The following NAP1L1 variants were observed in gnomAD, a reference collection of about 807,000 sequenced individuals.
The protein encoded by NAP1L1 is nucleosome assembly protein 1 like 1, also known as nucleosome assembly protein 1-like 1.
NAP1L1 carries 9 observed loss-of-function variants against 58.9 expected under a neutral mutation model. The observed-to-expected ratio is 0.15, with a 90% CI of 0.09 to 0.27. NAP1L1 has a LOEUF of 0.27. Ranked by LOEUF, NAP1L1 falls within the 10% of genes least tolerant of loss-of-function variation. The probability of loss-of-function intolerance (pLI) is 1.00; values close to 1 mark genes in which losing one functional copy is unlikely to be tolerated. For synonymous variants in NAP1L1, 130 were observed against 138.3 expected (o/e 0.94, Z 0.42); for missense variants, 302 against 458.8 (o/e 0.66, Z 3.12).
intron 4 of NAP1L1, among the ~76,000 whole-genome samples, chr12:76,063,068 T>A (rs1392371697): frequency 6.6e-6 from 1 of 152,208 alleles, no homozygotes; most frequent in African/African-American, 2.4e-5. Flanking sequence ...ACAAAAATTA[T>A]ATCAGGTATA....
Position 76,060,205 on chromosome 12 carries a change from T to G in NAP1L1, c.281A>C (p.Lys94Thr), listed in dbSNP as rs1457026995. The G allele has an allele frequency of 2.5e-6, 4 of 1,613,138 alleles. No individual in the cohort carries two copies. The highest frequency in any genetic ancestry group is 3.4e-6 in the Non-Finnish European group (4 of 1,179,188). Residue 94 changes from lysine to threonine, a missense_variant, in exon 5 of 15, where the codon AAA becomes ACA. Lys to Thr is a moderately conservative substitution (Grantham distance 78). Transcript: ENST00000618691. ...LQVKCAQIEA[K>T]FYEEVHDLER... Reference sequence around the variant, plus strand: ...AAGATCGTGAACTTCCTCATAGAATTTGGCTTCTATCTGTGCACATTTAAC... The same window carrying G: ...AAGATCGTGAACTTCCTCATAGAATGTGGCTTCTATCTGTGCACATTTAAC...
At chr12:76,067,622 G>A in intron 3 of NAP1L1, 149 bp from the exon 4 acceptor site, 1 of 553,290 alleles carries the variant, frequency 1.8e-6, no homozygotes, top group Non-Finnish European at 3.2e-6. Flanking sequence ...GAAAGCTAAA[G>A]AGAATACACT....
chr12:76,054,674 C>T (rs1019879997), intron 8 of NAP1L1, among the ~76,000 whole-genome samples: 6 of 152,192 alleles, frequency 3.9e-5, no homozygotes, highest in Non-Finnish European at 7.4e-5. Flanking sequence ...TGGTGGACAG[C>T]TTGTTGGCTG....
chr12:76,077,849 T>C (rs1291154791), intron 1 of NAP1L1, among the ~76,000 whole-genome samples: 2 of 151,568 alleles, frequency 1.3e-5, no homozygotes, highest in Non-Finnish European at 1.5e-5. Context: ...CCGGGCGTGG[T>C]TGCACACACC....
At position 76,068,996 on chromosome 12, in the gene NAP1L1, TATA is replaced by T. The variant is rs1949822621; in HGVS notation, c.18-5_18-3del. The stretch of plus-strand genomic sequence containing the variant: ...TGATCAAGTTCAGACTGTTCTTTGC[TATA>T]ATATCATAGTATCACACCAAGGTTC... On this transcript the variant is annotated splice_region_variant and splice_polypyrimidine_tract_variant and intron_variant, in intron 2 of 14. Transcript: ENST00000618691. 4.4e-6 allele frequency: 7 copies of T among 1,603,724 alleles called. No individual in the cohort carries two copies. The highest frequency in any genetic ancestry group is 1.1e-5 in the South Asian group (1 of 90,238).
chr12:76,057,901 C>A, intron 6 of NAP1L1: 1 of 1,278,326 alleles, frequency 7.8e-7, no homozygotes, highest in Non-Finnish European at 1.1e-6. Context: ...CCAAAATTCC[C>A]AGAGCAAAGA....
intron 3 of NAP1L1, among the ~76,000 whole-genome samples, chr12:76,068,218 T>A (rs1238080668): frequency 6.6e-6 from 1 of 152,204 alleles, no homozygotes; most frequent in African/African-American, 2.4e-5. Context: ...ACAGCCAGGA[T>A]AACCAATACA....
chr12:76,053,159 C>T lies in NAP1L1; in HGVS notation c.916+46G>A, dbSNP rs1459756747. On this transcript the variant is annotated intron_variant, in intron 10 of 14. Coordinates refer to ENST00000618691, the MANE Select transcript of NAP1L1 (RefSeq NM_004537.7). ...ACAATGAATAAGAAGCTAAGCAATGCTTTTTATAAAACAACCGTTAATACT... is the reference window on the plus strand; with the variant it reads ...ACAATGAATAAGAAGCTAAGCAATGTTTTTTATAAAACAACCGTTAATACT... 4 of 1,612,196 alleles carry T rather than the reference C, an allele frequency of 2.5e-6. No homozygotes were observed. In the East Asian group the frequency reaches 6.7e-5, roughly 27 times the overall value.
intron 1 of NAP1L1, among the ~76,000 whole-genome samples, chr12:76,081,773 T>TAAA (rs1950417355): frequency 6.6e-6 from 1 of 152,170 alleles, no homozygotes; most frequent in Non-Finnish European, 1.5e-5. Context: ...TATGGATAGG[T>TAAA]GTAAAGTAAC....
In NAP1L1 at chr12:76,038,486, G is replaced by C. The variant is rs1948519528; in HGVS notation, c.*9943C>G. On this transcript the variant is annotated 3_prime_UTR_variant, in exon 15 of 15. Coordinates refer to ENST00000618691, the MANE Select transcript of NAP1L1 (RefSeq NM_004537.7). The stretch of plus-strand genomic sequence containing the variant: ...GTAAGAAAAAAAAATCCAGTAATGG[G>C]CAAATACCTTTCTTAGGTGATAGAG... The C allele has an allele frequency of 6.6e-6, 1 of 152,120 alleles. No individual in the cohort carries two copies. The highest frequency in any genetic ancestry group is 6.5e-5 in the Admixed American group (1 of 15,272). The allele number at this position is 152,120 out of a possible 1,614,324, so 9.4% of individuals were successfully genotyped here. A position where few individuals can be genotyped will look rare whatever the true frequency, so the allele number is the denominator to read the frequency against.
Position 76,042,554 on chromosome 12 carries a change from C to A in NAP1L1, c.*5875G>T, listed in dbSNP as rs539406800. 12 of 152,308 alleles carry A rather than the reference C, an allele frequency of 7.9e-5. No individual in the cohort carries two copies. The highest frequency in any genetic ancestry group is 7.2e-4 in the Admixed American group (11 of 15,292). The allele number at this position is 152,308 out of a possible 1,614,324, so 9.4% of individuals were successfully genotyped here. On this transcript the variant is annotated 3_prime_UTR_variant, in exon 15 of 15. Coordinates refer to ENST00000618691, the MANE Select transcript of NAP1L1 (RefSeq NM_004537.7). ...GATTCTTATTCCTATAGAGCAACCT[C>A]ATCTACTTTCCTAGTTGGATCAACT...
intron 13 of NAP1L1, 58 bp from the exon 14 acceptor site, chr12:76,049,308 A>G: frequency 6.2e-7 from 1 of 1,611,066 alleles, no homozygotes; most frequent in Non-Finnish European, 8.5e-7. Context: ...AAACTGGCTC[A>G]TAATGTAGGG....
At chr12:76,075,986 A>T (rs1052431632) in intron 1 of NAP1L1, among the ~76,000 whole-genome samples, 8 of 152,178 alleles carry the variant, frequency 5.3e-5, no homozygotes, top group Non-Finnish European at 1.2e-4. Context: ...CAACACAATG[A>T]GACACTGTCT....
intron 11 of NAP1L1, among the ~76,000 whole-genome samples, chr12:76,052,413 C>A (rs1378902838): frequency 6.6e-6 from 1 of 152,180 alleles, no homozygotes; most frequent in Non-Finnish European, 1.5e-5. Flanking sequence ...ATAAGCCAAG[C>A]CAGAAATACT....
At chr12:76,069,130 T>C (rs772759740) in intron 2 of NAP1L1, 136 bp from the exon 3 acceptor site, 11 of 652,006 alleles carry the variant, frequency 1.7e-5, no homozygotes, top group Non-Finnish European at 2.7e-5. Context: ...GGTAATTCCG[T>C]TTTCTAACTT....
intron 14 of NAP1L1, 108 bp downstream of exon 14, chr12:76,049,092 G>C (rs1319013094): frequency 1.3e-5 from 15 of 1,112,220 alleles, no homozygotes; most frequent in Non-Finnish European, 1.7e-5. Flanking sequence ...CCAGTCAATA[G>C]GCTTTATTTA....
intron 7 of NAP1L1, 51 bp from the exon 8 acceptor site, chr12:76,055,141 T>C (rs559424233): frequency 1.8e-5 from 24 of 1,318,604 alleles, no homozygotes; most frequent in Non-Finnish European, 2.5e-5. Flanking sequence ...TCGAGGACTG[T>C]GTTCTGTTAC....
rs987770177 is a variant in NAP1L1 at position 76,038,523 on chromosome 12, G to GT, written c.*9905dup. The GT allele has an allele frequency of 1.1e-4, 17 of 152,204 alleles. No homozygotes were observed. Among genetic ancestry groups the GT allele is most frequent in the African/African-American group, 4.1e-4 (17 of 41,444 alleles). 9.4% of individuals were successfully genotyped at this position (152,204 alleles called of 1,614,324 possible). On this transcript the variant is annotated 3_prime_UTR_variant, in exon 15 of 15. Transcript: ENST00000618691. ...CTTAGGTGATAGAGGACATATAGCA[G>GT]TGAGTGTAGACAATTCCTCCCAAAA...
chr12:76,075,840 C>A (rs775494187), intron 1 of NAP1L1, among the ~76,000 whole-genome samples: 2 of 152,002 alleles, frequency 1.3e-5, no homozygotes, highest in Non-Finnish European at 2.9e-5. Flanking sequence ...TGGAGAGCAA[C>A]CTGACAATAG....
Sources: allele counts gnomAD v4.1 joint callset (sites outside exome capture counted in the v4.1 genomes callset), GRCh38; gene constraint gnomAD v4.1.1; transcripts MANE v1.5; gene names NCBI Gene and HGNC (gene_info 2026-07-23, HGNC 2026-07-21).